Variants in ADAM22 observed in about 807,000 individuals in gnomAD.
ADAM22 encodes disintegrin and metalloproteinase domain-containing protein 22.
ADAM22 carries 65 observed loss-of-function variants against 144.6 expected under a neutral mutation model. That is an observed-to-expected ratio of 0.45 (90% CI 0.37 to 0.55). ADAM22 has a LOEUF of 0.55. ADAM22 is among the 20% of genes least tolerant of loss of function. ADAM22 has a pLI of 0.00. For missense variants in ADAM22, 974 were observed against 1,184.9 expected (o/e 0.82, Z 2.61); for synonymous variants, 391 against 412.6 (o/e 0.95, Z 0.63).
At chr7:88,084,195 A>G (rs1585571767) in intron 4 of ADAM22, among the ~76,000 whole-genome samples, 1 of 152,094 alleles carries the variant, frequency 6.6e-6, no homozygotes, top group Admixed American at 6.6e-5. Flanking sequence ...AATTGTACCT[A>G]ATCAGCAAAG....
intron 1 of ADAM22, 127 bp from the exon 2 acceptor site, chr7:87,934,899 C>A (rs1347046711): frequency 7.3e-7 from 1 of 1,365,228 alleles, no homozygotes; most frequent in South Asian, 1.2e-5. Flanking sequence ...AGTTGGGTTC[C>A]GAGAGGGAGG....
Position 88,155,903 on chromosome 7 carries a change from TACC to T in ADAM22, c.1805_1807del (p.Tyr602_Leu603delinsPhe). 1 of 1,613,352 alleles carries T rather than the reference TACC, an allele frequency of 6.2e-7. No homozygotes were observed. Among genetic ancestry groups the T allele is most frequent in the South Asian group, 1.1e-5 (1 of 91,024 alleles). Reference sequence around the variant, plus strand: ...TTGATACAGGGATGTGCTTTGTGGTTACCTTTTGTGTACCAATATTGGCAATAT... The same window carrying T: ...TTGATACAGGGATGTGCTTTGTGGTTTTTTGTGTACCAATATTGGCAATAT... On this transcript the variant is annotated inframe_deletion, in exon 22 of 32. Coordinates refer to ENST00000413139, the MANE Select transcript of ADAM22 (RefSeq NM_001324418.2).
In ADAM22 at chr7:87,935,073, G is replaced by C; in HGVS notation, c.133G>C (p.Val45Leu). ...AGAGAAGAGGAAGGAAAACCGCTTCGTGGAGCGCCAGAGCATCGTGCCACT... is the reference window on the plus strand; with the variant it reads ...AGAGAAGAGGAAGGAAAACCGCTTCCTGGAGCGCCAGAGCATCGTGCCACT... ...ELEKRKENRF[V>L]ERQSIVPLRL... The change falls in exon 2 of 32, where the codon GTG (valine) becomes CTG (leucine). Residue 45 changes from valine (V) to leucine (L), a missense_variant. Physicochemically the swap from Val to Leu is conservative, Grantham distance 32 (BLOSUM62 1). Around this residue, in one of 2 missense-constraint regions of ADAM22, gnomAD observed 240 missense variants for 234.3 expected, o/e 1.02. Coordinates refer to ENST00000413139, the MANE Select transcript of ADAM22 (RefSeq NM_001324418.2). The C allele has an allele frequency of 6.2e-7, 1 of 1,614,168 alleles. No individual in the cohort carries two copies. Among genetic ancestry groups the C allele is most frequent in the Non-Finnish European group, 8.5e-7 (1 of 1,180,044 alleles).
intron 3 of ADAM22, 83 bp downstream of exon 3, chr7:87,978,495 AT>A: frequency 8.2e-7 from 1 of 1,216,476 alleles, no homozygotes; most frequent in Non-Finnish European, 1.2e-6. Context: ...TTCTTACTAT[AT>A]TTTACTTTGT....
At chr7:87,952,614 G>T (rs550636188) in intron 2 of ADAM22, among the ~76,000 whole-genome samples, 1 of 151,988 alleles carries the variant, frequency 6.6e-6, no homozygotes, top group East Asian at 1.9e-4. Context: ...TTTTTTGGTT[G>T]TGTCTCTGCC....
At chr7:88,165,350 T>A (rs1277235022) in intron 23 of ADAM22, among the ~76,000 whole-genome samples, 2 of 152,104 alleles carry the variant, frequency 1.3e-5, no homozygotes, top group Non-Finnish European at 2.9e-5. Flanking sequence ...TATAGCCTTG[T>A]GGAACTTTCT....
At chr7:88,135,834 C>A in intron 13 of ADAM22, 146 bp from the exon 14 acceptor site, 1 of 557,966 alleles carries the variant, frequency 1.8e-6, no homozygotes, top group Non-Finnish European at 2.9e-6. Flanking sequence ...CATAAAAAAA[C>A]TATTGTAAGA....
intron 5 of ADAM22, among the ~76,000 whole-genome samples, chr7:88,112,803 G>T (rs1826398671): frequency 6.6e-6 from 1 of 152,184 alleles, no homozygotes; most frequent in African/African-American, 2.4e-5. Context: ...GAACTCTTGG[G>T]TTCAGGTGAT....
intron 3 of ADAM22, among the ~76,000 whole-genome samples, chr7:88,070,957 C>T (rs1345156713): frequency 2.0e-5 from 3 of 152,024 alleles, no homozygotes; most frequent in African/African-American, 2.4e-5. Flanking sequence ...ACTGGAAAAG[C>T]GTAGTGGACT....
intron 30 of ADAM22, 121 bp from the exon 31 acceptor site, chr7:88,192,995 T>C (rs1849945191): frequency 8.5e-7 from 1 of 1,170,692 alleles, no homozygotes; most frequent in African/African-American, 1.5e-5. Flanking sequence ...AGTAGTTAAA[T>C]CTTTGCAGTA....
intron 4 of ADAM22, among the ~76,000 whole-genome samples, chr7:88,083,752 A>T (rs1003434151): frequency 6.6e-6 from 1 of 152,032 alleles, no homozygotes; most frequent in Non-Finnish European, 1.5e-5. Flanking sequence ...CTTGTAAGCG[A>T]CCTAGATGTA....
chr7:88,116,871 A>G, intron 7 of ADAM22, 57 bp downstream of exon 7: 1 of 1,291,094 alleles, frequency 7.7e-7, no homozygotes, highest in Non-Finnish European at 1.1e-6. Flanking sequence ...AATTTATTTA[A>G]TGCCTTAGAA....
intron 3 of ADAM22, among the ~76,000 whole-genome samples, chr7:88,054,065 A>T (rs1398200586): frequency 6.6e-6 from 1 of 152,092 alleles, no homozygotes; most frequent in Non-Finnish European, 1.5e-5. Flanking sequence ...CAGGGAGGTG[A>T]AGGTTGCAGA....
At chr7:88,049,429 A>G (rs1012645455) in intron 3 of ADAM22, among the ~76,000 whole-genome samples, 4 of 149,906 alleles carry the variant, frequency 2.7e-5, no homozygotes, top group Admixed American at 2.7e-4. Context: ...TCACTCTTTT[A>G]CTCTTGTTGC....
chr7:88,038,547 C>T (rs981601699), intron 3 of ADAM22, among the ~76,000 whole-genome samples: 4 of 151,110 alleles, frequency 2.6e-5, no homozygotes, highest in Non-Finnish European at 5.9e-5. Context: ...CTCCGCCTCC[C>T]GGGTTCACGC....
chr7:88,193,328 C>G (rs936287551), intron 31 of ADAM22, 89 bp downstream of exon 31: 1 of 1,394,900 alleles, frequency 7.2e-7, no homozygotes, highest in Non-Finnish European at 9.5e-7. Flanking sequence ...ACCATTTTTC[C>G]TCCCTTGTTC....
rs150930278 is a variant in ADAM22 at position 88,134,259 on chromosome 7, A to AT, written c.1078-65dup. On this transcript the variant is annotated intron_variant, in intron 12 of 31. Transcript: ENST00000413139. ...TACTTATTTTCAGCGATATTGTGACATTTTTCTCTGGTTCTTTGTCAGTGA... is the reference window on the plus strand; with the variant it reads ...TACTTATTTTCAGCGATATTGTGACATTTTTTCTCTGGTTCTTTGTCAGTGA... 2.3e-3 allele frequency: 2,833 copies of AT among 1,230,692 alleles called. 49 individuals are homozygous for AT. In the African/African-American group the frequency reaches 0.038, roughly 17 times the overall value. The allele number at this position is 1,230,692 out of a possible 1,614,324, so 76.2% of individuals were successfully genotyped here. A position where few individuals can be genotyped will look rare whatever the true frequency, so the allele number is the denominator to read the frequency against.
chr7:88,128,549 G>A lies in ADAM22; in HGVS notation c.679-53G>A, dbSNP rs1412036573. 73 of 1,448,896 alleles carry A rather than the reference G, an allele frequency of 5.0e-5. 1 individual carries two copies. Among genetic ancestry groups the A allele is most frequent in the South Asian group, 8.2e-5 (7 of 85,124 alleles). 89.8% of individuals were successfully genotyped at this position (1,448,896 alleles called of 1,614,324 possible). On this transcript the variant is annotated intron_variant, in intron 8 of 31. Transcript: ENST00000413139. The stretch of plus-strand genomic sequence containing the variant: ...TTTCTTCCATATTTTTTAGCTTTTC[G>A]CAGCCAAGTTTAGAGGGCTGAATTA...
At chr7:88,111,441 C>A (rs1041583210) in intron 5 of ADAM22, among the ~76,000 whole-genome samples, 3 of 151,752 alleles carry the variant, frequency 2.0e-5, no homozygotes. Flanking sequence ...ATTCGTATAT[C>A]TTTCCCATAA....
Sources: gnomAD v4.1 joint callset for allele counts (sites outside exome capture counted in the v4.1 genomes callset) on GRCh38, gnomAD v4.1.1 for gene constraint, gnomAD v4.1.1 regional missense constraint, MANE v1.5 for transcripts, NCBI Gene and HGNC (gene_info 2026-07-23, HGNC 2026-07-21) for gene names.